SGCZ: variants seen among roughly 807,000 people sequenced by gnomAD.
SGCZ encodes sarcoglycan zeta.
In SGCZ, 40 loss-of-function variants were observed where a neutral mutation model predicts 41.3. The ratio of observed to expected loss-of-function variants is 0.97; its 90% confidence interval spans 0.75 to 1.26. SGCZ has a LOEUF of 1.26. SGCZ is among the 50% of genes most tolerant of loss of function. The pLI, the probability that SGCZ is intolerant of heterozygous loss-of-function variation, is 0.00. For missense variants in SGCZ, 552 were observed against 369.8 expected (o/e 1.49, Z -4.04); for synonymous variants, 206 against 137.5 (o/e 1.50, Z -3.49).
At chr8:14,211,416 G>A (rs1249146639) in intron 4 of SGCZ, among the ~76,000 whole-genome samples, 1 of 152,114 alleles carries the variant, frequency 6.6e-6, no homozygotes, top group Non-Finnish European at 1.5e-5. Flanking sequence ...CCCAGCAAAG[G>A]ACCTCAGGCG....
chr8:14,961,463 A>G (rs1013029505), intron 1 of SGCZ, among the ~76,000 whole-genome samples: 3 of 152,146 alleles, frequency 2.0e-5, no homozygotes, highest in Non-Finnish European at 4.4e-5. Flanking sequence ...GTGGTACCAT[A>G]CAATAAGGTA....
chr8:14,371,799 T>G (rs763621037), intron 2 of SGCZ, among the ~76,000 whole-genome samples: 3 of 152,150 alleles, frequency 2.0e-5, no homozygotes, highest in Non-Finnish European at 4.4e-5. Flanking sequence ...AACGTTATCT[T>G]TACATTATTT....
chr8:14,335,880 T>C (rs1802488307), intron 2 of SGCZ, among the ~76,000 whole-genome samples: 2 of 152,252 alleles, frequency 1.3e-5, no homozygotes, highest in South Asian at 4.1e-4. Context: ...AACATCTCTT[T>C]ACTCAATGTT....
At chr8:14,215,230 A>G (rs1805954068) in intron 4 of SGCZ, among the ~76,000 whole-genome samples, 3 of 152,194 alleles carry the variant, frequency 2.0e-5, no homozygotes, top group African/African-American at 7.2e-5. Context: ...ATTTTCAAAC[A>G]CTTGAAAACT....
At chr8:14,633,687 A>G (rs1563167549) in intron 1 of SGCZ, among the ~76,000 whole-genome samples, 1 of 151,834 alleles carries the variant, frequency 6.6e-6, no homozygotes, top group Non-Finnish European at 1.5e-5. Context: ...CTAATTTTAG[A>G]TTAGCTTTAT....
At chr8:14,730,023 T>C (rs942725949) in intron 1 of SGCZ, among the ~76,000 whole-genome samples, 1 of 152,134 alleles carries the variant, frequency 6.6e-6, no homozygotes, top group African/African-American at 2.4e-5. Flanking sequence ...GGGGCGGAGA[T>C]TGCAGTGAGC....
At chr8:14,994,781 A>G (rs1802156423) in intron 1 of SGCZ, among the ~76,000 whole-genome samples, 1 of 152,172 alleles carries the variant, frequency 6.6e-6, no homozygotes, top group Non-Finnish European at 1.5e-5. Context: ...TAAATTCAGA[A>G]AAAAATCTTC....
chr8:15,068,231 A>T (rs1354273717), intron 1 of SGCZ, among the ~76,000 whole-genome samples: 1 of 152,224 alleles, frequency 6.6e-6, no homozygotes, highest in Non-Finnish European at 1.5e-5. Flanking sequence ...GCCTTCCAAC[A>T]TCATTGTGAT....
intron 1 of SGCZ, among the ~76,000 whole-genome samples, chr8:15,215,498 T>C (rs929894585): frequency 2.6e-5 from 4 of 152,214 alleles, no homozygotes; most frequent in South Asian, 2.1e-4. Context: ...TACATCTGTC[T>C]ATCTAGCAAT....
In SGCZ at chr8:14,354,194, T is replaced by A. The variant is rs932474183; in HGVS notation, c.235-29990A>T. Among the ~76,000 whole-genome samples, 34 of 152,064 alleles carry A rather than the reference T, an allele frequency of 2.2e-4. 1 individual carries two copies. Among genetic ancestry groups the A allele is most frequent in the Non-Finnish European group, 7.4e-5 (5 of 67,950 alleles). ...GTTTCTCCAATAAACACTGTTAAAC[T>A]TGTAATTTTAGTGCCTCACACAGTG... On this transcript the variant is annotated intron_variant, in intron 2 of 7. Coordinates refer to ENST00000382080, the MANE Select transcript of SGCZ (RefSeq NM_139167.4).
intron 4 of SGCZ, among the ~76,000 whole-genome samples, chr8:14,177,604 G>A (rs1400438338): frequency 6.6e-6 from 1 of 151,966 alleles, no homozygotes; most frequent in African/African-American, 2.4e-5. Context: ...CCGCCTCCCG[G>A]GTTCATGCCA....
At chr8:14,720,804 T>C (rs1489847726) in intron 1 of SGCZ, among the ~76,000 whole-genome samples, 1 of 152,160 alleles carries the variant, frequency 6.6e-6, no homozygotes, top group Non-Finnish European at 1.5e-5. Flanking sequence ...TACTGCTTTA[T>C]AGCCAAACAT....
intron 1 of SGCZ, among the ~76,000 whole-genome samples, chr8:14,973,262 G>C (rs1342018913): frequency 2.0e-5 from 3 of 152,108 alleles, no homozygotes; most frequent in Non-Finnish European, 2.9e-5. Flanking sequence ...GAGGAAGATA[G>C]TACCCCATCA....
chr8:14,675,814 T>A (rs1216537986), intron 1 of SGCZ, among the ~76,000 whole-genome samples: 2 of 152,108 alleles, frequency 1.3e-5, no homozygotes, highest in Non-Finnish European at 2.9e-5. Context: ...GATGAGCTCA[T>A]TGCATGGAAT....
At chr8:14,150,064 T>A (rs1361734906) in intron 5 of SGCZ, among the ~76,000 whole-genome samples, 1 of 152,154 alleles carries the variant, frequency 6.6e-6, no homozygotes, top group Admixed American at 6.5e-5. Flanking sequence ...CATAGATCTA[T>A]GAAACTACTA....
At chr8:14,161,164 T>C (rs553915364) in intron 5 of SGCZ, 1 of 152,350 alleles carries the variant, frequency 6.6e-6, no homozygotes, top group Non-Finnish European at 1.5e-5. Flanking sequence ...AGCACTGCTT[T>C]AAAGTATATG....
At chr8:14,248,681 T>A (rs540416778) in intron 3 of SGCZ, among the ~76,000 whole-genome samples, 1 of 152,158 alleles carries the variant, frequency 6.6e-6, no homozygotes. Context: ...AGAGAAAAAA[T>A]TGCCTTTGAG....
intron 2 of SGCZ, among the ~76,000 whole-genome samples, chr8:14,482,571 T>C (rs905159843): frequency 6.6e-6 from 1 of 152,172 alleles, no homozygotes; most frequent in Non-Finnish European, 1.5e-5. Flanking sequence ...GTTAATTTTC[T>C]GCTTCGACTT....
chr8:14,974,416 G>A (rs1801398543), intron 1 of SGCZ, among the ~76,000 whole-genome samples: 1 of 152,132 alleles, frequency 6.6e-6, no homozygotes, highest in Non-Finnish European at 1.5e-5. Flanking sequence ...TGTGATACCT[G>A]CAGCACCAAA....
Sources: gnomAD v4.1 joint callset for allele counts (sites outside exome capture counted in the v4.1 genomes callset) on GRCh38, gnomAD v4.1.1 for gene constraint, MANE v1.5 for transcripts, NCBI Gene and HGNC (gene_info 2026-07-23, HGNC 2026-07-21) for gene names.